Variants in TMEM168 observed in about 807,000 individuals in gnomAD.
TMEM168 encodes the protein transmembrane protein 168.
A neutral mutation model predicts 53.2 loss-of-function variants in TMEM168; 40 were observed. That is an observed-to-expected ratio of 0.75 (90% CI 0.58 to 0.98). The LOEUF is 0.98. Ranked by LOEUF, TMEM168 falls within the 50% of genes least tolerant of loss-of-function variation. The pLI, the probability that TMEM168 is intolerant of heterozygous loss-of-function variation, is 0.00. For missense variants in TMEM168, 771 were observed against 828.8 expected (o/e 0.93, Z 0.86); for synonymous variants, 282 against 293.0 (o/e 0.96, Z 0.38).
Position 112,763,901 on chromosome 7 carries a change from G to GCAT in TMEM168, c.*3293_*3295dup, listed in dbSNP as rs1792711322. The GCAT allele has an allele frequency of 6.6e-6, 1 of 151,914 alleles. No homozygotes were observed. Among genetic ancestry groups the GCAT allele is most frequent in the Admixed American group, 6.6e-5 (1 of 15,250 alleles). The allele number at this position is 151,914 out of a possible 1,614,324, so 9.4% of individuals were successfully genotyped here. A position where few individuals can be genotyped will look rare whatever the true frequency, so the allele number is the denominator to read the frequency against. The stretch of plus-strand genomic sequence containing the variant: ...GGTCATAAGAATAATCCTCTGAAAT[G>GCAT]CATCTTTTCCAAAGAATTTTGAATT... On this transcript the variant is annotated 3_prime_UTR_variant, in exon 5 of 5. Transcript: ENST00000312814.
At chr7:112,768,788 GA>G (rs1327420999) in intron 4 of TMEM168, among the ~76,000 whole-genome samples, 3 of 151,970 alleles carry the variant, frequency 2.0e-5, no homozygotes, top group Non-Finnish European at 4.4e-5. Flanking sequence ...CTTAAGGAAA[GA>G]ACAGACATAG....
At chr7:112,781,942 A>T (rs1182984404) in intron 2 of TMEM168, among the ~76,000 whole-genome samples, 1 of 152,186 alleles carries the variant, frequency 6.6e-6, no homozygotes, top group Non-Finnish European at 1.5e-5. Context: ...ATCATTCAGA[A>T]AATAAAAACA....
chr7:112,767,829 G>C, intron 4 of TMEM168, 85 bp from the exon 5 acceptor site: 4 of 1,237,682 alleles, frequency 3.2e-6, no homozygotes, highest in Non-Finnish European at 3.3e-6. Context: ...CTTCTAGAGA[G>C]AAAATACTCT....
In TMEM168 at chr7:112,764,762, T is replaced by G. The variant is rs2116197214; in HGVS notation, c.*2435A>C. 6.6e-6 allele frequency: 1 copy of G among 152,136 alleles called. No individual in the cohort carries two copies. Among genetic ancestry groups the G allele is most frequent in the Middle Eastern group, 3.4e-3 (1 of 296 alleles). The allele number at this position is 152,136 out of a possible 1,614,324, so 9.4% of individuals were successfully genotyped here. ...ATCCACCTGCCTCGGCCTCCCAAAG[T>G]GCTGGGATTACAGGCATGAGCCACC... On this transcript the variant is annotated 3_prime_UTR_variant, in exon 5 of 5. Coordinates refer to ENST00000312814, the MANE Select transcript of TMEM168 (RefSeq NM_022484.6).
intron 1 of TMEM168, among the ~76,000 whole-genome samples, chr7:112,786,742 G>A (rs1033100797): frequency 1.2e-4 from 18 of 152,084 alleles, no homozygotes; most frequent in African/African-American, 4.3e-4. Flanking sequence ...TCACATACTA[G>A]GCTAAATGGT....
At position 112,764,713 on chromosome 7, in the gene TMEM168, T is replaced by G. The variant is rs183718583; in HGVS notation, c.*2484A>C. On this transcript the variant is annotated 3_prime_UTR_variant, in exon 5 of 5. Transcript: ENST00000312814. The stretch of plus-strand genomic sequence containing the variant: ...ATGGGGTTTCACCATGTTGGCCAGA[T>G]GGTCTCCATCTCTTGACCTTTTGAT... 1 of 152,160 alleles carries G rather than the reference T, an allele frequency of 6.6e-6. No individual in the cohort carries two copies. Among genetic ancestry groups the G allele is most frequent in the South Asian group, 2.1e-4 (1 of 4,824 alleles). The allele number at this position is 152,160 out of a possible 1,614,324, so 9.4% of individuals were successfully genotyped here. A position where few individuals can be genotyped will look rare whatever the true frequency, so the allele number is the denominator to read the frequency against.
rs778809632 is a variant in TMEM168, at chr7:112,767,650, T to G, written c.1641A>C (p.Glu547Asp). The G allele has an allele frequency of 6.2e-7, 1 of 1,614,142 alleles. No individual in the cohort carries two copies. Among genetic ancestry groups the G allele is most frequent in the East Asian group, 2.2e-5 (1 of 44,868 alleles). ...CTTCTTTCACCCAAGGGGTTGAATT[T>G]TCGCTGTCTAATACGATAATAAGCC... ...CSRLIIVLDS[E>D]NSTPWVKEVR... Residue 547 changes from glutamate to aspartate, a missense_variant, in exon 5 of 5, where the codon GAA becomes GAC. By Grantham distance (45) the Glu-to-Asp change is conservative. Transcript: ENST00000312814.
Position 112,784,270 on chromosome 7 carries a change from C to T in TMEM168, c.556G>A (p.Ala186Thr). The T allele has an allele frequency of 6.2e-7, 1 of 1,614,060 alleles. No homozygotes were observed. The highest frequency in any genetic ancestry group is 1.1e-5 in the South Asian group (1 of 91,078). ...KSLSVILLVV[A>T]LAMLIIDLRM... Reference sequence around the variant, plus strand: ...AGATCAATAATCAGCATAGCCAGAGCTACAACAAGCAAAATGACACTCAGA... The same window carrying T: ...AGATCAATAATCAGCATAGCCAGAGTTACAACAAGCAAAATGACACTCAGA... The change falls in exon 2 of 5, where the codon GCT (alanine) becomes ACT (threonine). Residue 186 changes from alanine to threonine, a missense_variant. Ala to Thr is a moderately conservative substitution (Grantham distance 58). Coordinates refer to ENST00000312814, the MANE Select transcript of TMEM168 (RefSeq NM_022484.6).
Position 112,784,579 on chromosome 7 carries a change from AAT to A in TMEM168, c.245_246del (p.Tyr82LeufsTer28), listed in dbSNP as rs755137290. On this transcript the variant is annotated frameshift_variant, in exon 2 of 5. Transcript: ENST00000312814. LOFTEE classifies it high-confidence loss of function. Reference sequence around the variant, plus strand: ...CTTGCTGCTTCCATTGAAAAATAGTAATAGAGTATGCTGGCGATTCCAAGAAC... The same window carrying A: ...CTTGCTGCTTCCATTGAAAAATAGTAAGAGTATGCTGGCGATTCCAAGAAC... The part of the protein sequence containing the change: ...LFVLGIASIL[Y>X]YYFSMEAASL... 3 of 1,613,816 alleles carry A rather than the reference AAT, an allele frequency of 1.9e-6. No individual in the cohort carries two copies. The highest frequency in any genetic ancestry group is 3.3e-5 in the Admixed American group (2 of 59,962).
Position 112,762,912 on chromosome 7 carries a change from C to T in TMEM168, c.*4285G>A, listed in dbSNP as rs1488255403. 3 of 152,034 alleles carry T rather than the reference C, an allele frequency of 2.0e-5. No homozygotes were observed. The highest frequency in any genetic ancestry group is 2.9e-5 in the Non-Finnish European group (2 of 67,898). The allele number at this position is 152,034 out of a possible 1,614,324, so 9.4% of individuals were successfully genotyped here. ...AAAAAAGGAGATACTTATAGTTTCC[C>T]TAGCTTGTCCTTAACCTGCTTATGC... is the stretch of plus-strand genomic sequence containing the variant. On this transcript the variant is annotated 3_prime_UTR_variant, in exon 5 of 5. Transcript: ENST00000312814.
At chr7:112,777,897 T>C (rs1196755306) in intron 2 of TMEM168, among the ~76,000 whole-genome samples, 1 of 32,334 alleles carries the variant, frequency 3.1e-5, no homozygotes, top group Non-Finnish European at 5.0e-5. Context: ...TGTGTGTGTG[T>C]GTGTGTGTGT....
intron 2 of TMEM168, among the ~76,000 whole-genome samples, chr7:112,781,095 C>T (rs2116283435): frequency 6.7e-6 from 1 of 150,168 alleles, no homozygotes; most frequent in East Asian, 2.0e-4. Context: ...GCATTTACCT[C>T]TAGGAACAGT....
intron 2 of TMEM168, among the ~76,000 whole-genome samples, chr7:112,777,228 T>C (rs1288432835): frequency 2.0e-5 from 3 of 152,200 alleles, no homozygotes; most frequent in Non-Finnish European, 4.4e-5. Flanking sequence ...ATTTTAACAT[T>C]ATCCTCTAAA....
chr7:112,775,600 G>GAA (rs556880288), intron 2 of TMEM168, among the ~76,000 whole-genome samples: 9 of 110,524 alleles, frequency 8.1e-5, no homozygotes, highest in African/African-American at 1.5e-4. Flanking sequence ...ATCCAGACGA[G>GAA]AAAAAAAAAA....
chr7:112,773,997 C>T (rs145784554), intron 3 of TMEM168, among the ~76,000 whole-genome samples: 2 of 152,286 alleles, frequency 1.3e-5, no homozygotes, highest in East Asian at 3.9e-4. Flanking sequence ...CTTAAACCTT[C>T]AACTTTGTAT....
chr7:112,789,842 C>A (rs572039010), intron 1 of TMEM168, among the ~76,000 whole-genome samples: 1 of 152,252 alleles, frequency 6.6e-6, no homozygotes, highest in African/African-American at 2.4e-5. Flanking sequence ...GCAGCAACAG[C>A]AATTTCTCTC....
intron 1 of TMEM168, among the ~76,000 whole-genome samples, chr7:112,789,157 CCACCCCAGTGCT>C (rs1359296115): frequency 1.3e-5 from 2 of 152,132 alleles, no homozygotes; most frequent in Non-Finnish European, 2.9e-5. Context: ...CCTCCTGGCC[CCACCCCAGTGCT>C]CACACCTGGC....
chr7:112,777,151 C>A (rs906997943), intron 2 of TMEM168, among the ~76,000 whole-genome samples: 2 of 152,014 alleles, frequency 1.3e-5, no homozygotes, highest in African/African-American at 4.8e-5. Flanking sequence ...AACATGAGTT[C>A]TTAATTATAA....
chr7:112,770,867 T>C (rs935316275), intron 4 of TMEM168, among the ~76,000 whole-genome samples: 3 of 152,212 alleles, frequency 2.0e-5, no homozygotes, highest in African/African-American at 7.2e-5. Flanking sequence ...GATATATGCA[T>C]GGCCACCAAA....
Sources: gnomAD v4.1 joint callset for allele counts (sites outside exome capture counted in the v4.1 genomes callset) on GRCh38, gnomAD v4.1.1 for gene constraint, MANE v1.5 for transcripts, NCBI Gene and HGNC (gene_info 2026-07-23, HGNC 2026-07-21) for gene names.